CHRM4: variants seen among roughly 807,000 people sequenced by gnomAD.
The protein encoded by CHRM4 is muscarinic acetylcholine receptor M4.
CHRM4 carries 5 observed loss-of-function variants against 26.3 expected under a neutral mutation model. That is an observed-to-expected ratio of 0.19 (90% CI 0.10 to 0.40). The LOEUF is 0.40. Ranked by LOEUF, CHRM4 falls within the 10% of genes least tolerant of loss-of-function variation. CHRM4 has a pLI of 1.00. For missense variants in CHRM4, 402 were observed against 664.5 expected (o/e 0.60, Z 4.34); for synonymous variants, 290 against 285.3 (o/e 1.02, Z -0.16).
At chr11:46,389,020 T>G (rs1297013636) in intron 1 of CHRM4, among the ~76,000 whole-genome samples, 1 of 152,250 alleles carries the variant, frequency 6.6e-6, no homozygotes, top group Non-Finnish European at 1.5e-5. Flanking sequence ...ATTAGTGTCC[T>G]CATCTTACAG....
Position 46,386,651 on chromosome 11 carries a change from C to T in CHRM4, c.-29-65G>A, listed in dbSNP as rs1945344403. Reference sequence around the variant, plus strand: ...GGAATGGGGGAGTCATCTGGAGGTACACTGGATTCAAGGTGACAGAGGGAC... The same window carrying T: ...GGAATGGGGGAGTCATCTGGAGGTATACTGGATTCAAGGTGACAGAGGGAC... On this transcript the variant is annotated intron_variant, in intron 1 of 1. Transcript: ENST00000682254. This position sits in a 1 kb window ranked among gnomAD's most constrained non-coding sequence, Gnocchi z 5.8. 3 of 1,465,304 alleles carry T rather than the reference C, an allele frequency of 2.0e-6. No homozygotes were observed. Among genetic ancestry groups the T allele is most frequent in the Non-Finnish European group, 2.8e-6 (3 of 1,072,634 alleles). The allele number at this position is 1,465,304 out of a possible 1,614,324, so 90.8% of individuals were successfully genotyped here.
At chr11:46,388,047 T>A (rs1945359108) in intron 1 of CHRM4, among the ~76,000 whole-genome samples, 1 of 152,000 alleles carries the variant, frequency 6.6e-6, no homozygotes, top group Non-Finnish European at 1.5e-5. Flanking sequence ...CTCCTCCCCC[T>A]CTTCCTCTTC....
At position 46,386,107 on chromosome 11, in the gene CHRM4, G is replaced by C. The variant is rs377675362; in HGVS notation, c.451C>G (p.Leu151Val). 21 of 1,613,520 alleles carry C rather than the reference G, an allele frequency of 1.3e-5. No homozygotes were observed. The highest frequency in any genetic ancestry group is 1.7e-5 in the Non-Finnish European group (20 of 1,179,792). Residue 151 changes from leucine to valine, a missense_variant, in exon 2 of 2, where the codon CTC becomes GTC. Physicochemically the swap from Leu to Val is conservative, Grantham distance 32. This residue lies in a region of CHRM4 where 48 missense variants were observed against 129.1 expected (regional missense o/e 0.37). Coordinates refer to ENST00000682254, the MANE Select transcript of CHRM4 (RefSeq NM_000741.5). This position sits in a 1 kb window ranked among gnomAD's most constrained non-coding sequence, Gnocchi z 5.8. ...AGTACCCAGGCAGCAGCAATCATGA[G>C]GCCTGCCATCTTGGTGGTGCGCCGG... The part of the protein sequence containing the change: ...PARRTTKMAG[L>V]MIAAAWVLSF...
chr11:46,386,498 C>A lies in CHRM4; in HGVS notation c.60G>T (p.Thr20=). 1 of 1,613,534 alleles carries A rather than the reference C, an allele frequency of 6.2e-7. No individual in the cohort carries two copies. ...TCTCATAGCGATTGTGGGATGATGACGTGACCAGGCGCACGGACTGATTGC... is the reference window on the plus strand; with the variant it reads ...TCTCATAGCGATTGTGGGATGATGAAGTGACCAGGCGCACGGACTGATTGC... ...SSGNQSVRLV[T]SSSHNRYETV... is the part of the protein sequence containing the mutation. Residue 20 remains threonine, a synonymous_variant, in exon 2 of 2, where the codon ACG becomes ACT. Transcript: ENST00000682254. This position sits in a 1 kb window ranked among gnomAD's most constrained non-coding sequence, Gnocchi z 5.8.
In CHRM4 at chr11:46,391,068, G is replaced by A. The variant is rs1414032907; in HGVS notation, c.-30+463C>T. Among the ~76,000 whole-genome samples the A allele has an allele frequency of 6.7e-6, 1 of 150,222 alleles. No individual in the cohort carries two copies. Among genetic ancestry groups the A allele is most frequent in the Non-Finnish European group, 1.5e-5 (1 of 67,310 alleles). Reference sequence around the variant, plus strand: ...AGGACCCCGGCTTGGAGGCTGGGCAGCAAAGGGGGGTAGTACCGGAGCGGG... The same window carrying A: ...AGGACCCCGGCTTGGAGGCTGGGCAACAAAGGGGGGTAGTACCGGAGCGGG... On this transcript the variant is annotated intron_variant, in intron 1 of 1. Transcript: ENST00000682254. The surrounding 1 kb of genome is among the most constrained non-coding windows in gnomAD (Gnocchi z 6.3).
In CHRM4 at chr11:46,386,590, G is replaced by A; in HGVS notation, c.-29-4C>T. 6.3e-7 allele frequency: 1 copy of A among 1,595,858 alleles called. No individual in the cohort carries two copies. The highest frequency in any genetic ancestry group is 8.6e-7 in the Non-Finnish European group (1 of 1,168,168). On this transcript the variant is annotated splice_region_variant and splice_polypyrimidine_tract_variant and intron_variant, in intron 1 of 1. Coordinates refer to ENST00000682254, the MANE Select transcript of CHRM4 (RefSeq NM_000741.5). This position sits in a 1 kb window ranked among gnomAD's most constrained non-coding sequence, Gnocchi z 5.8. The stretch of plus-strand genomic sequence containing the variant: ...GCCAGGGGTGGGTAGGCCGTGTCTG[G>A]GGAGGAAGGGGAGAGAAAAGCATGA...
chr11:46,389,539 C>T (rs993748519), intron 1 of CHRM4, among the ~76,000 whole-genome samples: 4 of 152,220 alleles, frequency 2.6e-5, no homozygotes, highest in Admixed American at 1.3e-4. Context: ...GGGGAGCGAG[C>T]CGCCGCCGCC....
chr11:46,386,727 GC>G lies in CHRM4; in HGVS notation c.-29-142del. 1.2e-6 allele frequency: 1 copy of G among 810,782 alleles called. No homozygotes were observed. Among genetic ancestry groups the G allele is most frequent in the Non-Finnish European group, 1.9e-6 (1 of 525,468 alleles). The allele number at this position is 810,782 out of a possible 1,614,324, so 50.2% of individuals were successfully genotyped here. On this transcript the variant is annotated intron_variant, in intron 1 of 1. Transcript: ENST00000682254. The surrounding 1 kb of genome is among the most constrained non-coding windows in gnomAD (Gnocchi z 5.8). The stretch of plus-strand genomic sequence containing the variant: ...AACTCTGTCCCGCCATCCCGCATTT[GC>G]CCATTCATTCAACATTAATTGAGCA...
intron 1 of CHRM4, among the ~76,000 whole-genome samples, chr11:46,389,121 G>A (rs933006729): frequency 1.4e-4 from 22 of 152,176 alleles, no homozygotes; most frequent in Non-Finnish European, 2.8e-4. Context: ...AGAAGAACCC[G>A]GGAAGCTCCT....
At chr11:46,390,447 C>T (rs1945381252) in intron 1 of CHRM4, among the ~76,000 whole-genome samples, 2 of 152,262 alleles carry the variant, frequency 1.3e-5, no homozygotes, top group South Asian at 4.1e-4. Context: ...GCGTTATTGC[C>T]AAAAGCCGCC....
intron 1 of CHRM4, among the ~76,000 whole-genome samples, chr11:46,388,285 T>G (rs1177179773): frequency 6.6e-6 from 1 of 152,266 alleles, no homozygotes; most frequent in Non-Finnish European, 1.5e-5. Flanking sequence ...ACCCGCAGCC[T>G]GGGCTCTGGC....
At chr11:46,389,592 C>T (rs1410350263) in intron 1 of CHRM4, among the ~76,000 whole-genome samples, 1 of 152,224 alleles carries the variant, frequency 6.6e-6, no homozygotes, top group Non-Finnish European at 1.5e-5. Flanking sequence ...GTCCCTGGTG[C>T]CCGCTCCGGA....
At chr11:46,387,345 AG>A (rs1332313550) in intron 1 of CHRM4, among the ~76,000 whole-genome samples, 4 of 152,216 alleles carry the variant, frequency 2.6e-5, no homozygotes, top group African/African-American at 9.7e-5. Flanking sequence ...TATGTTGTCC[AG>A]GCTGGTCTAG....
chr11:46,390,803 A>T (rs951974590), intron 1 of CHRM4, among the ~76,000 whole-genome samples: 1 of 152,156 alleles, frequency 6.6e-6, no homozygotes, highest in Non-Finnish European at 1.5e-5. Context: ...AGTCCTCGAC[A>T]CCCCTCTTCC....
chr11:46,385,554 G>A lies in CHRM4; in HGVS notation c.1004C>T (p.Pro335Leu). The A allele has an allele frequency of 6.4e-7, 1 of 1,570,334 alleles. No individual in the cohort carries two copies. Among genetic ancestry groups the A allele is most frequent in the Non-Finnish European group, 8.7e-7 (1 of 1,152,238 alleles). The change falls in exon 2 of 2, where the codon CCA becomes CTA. Residue 335 changes from proline to leucine, a missense_variant. Coordinates refer to ENST00000682254, the MANE Select transcript of CHRM4 (RefSeq NM_000741.5). This position sits in a 1 kb window ranked among gnomAD's most constrained non-coding sequence, Gnocchi z 6.3. ...CTGGATCTTGGACCATCTGGAGGCT[G>A]GGTTGAGGGCCCGCGGCTGCAGGGG... ...APPLQPRALN[P>L]ASRWSKIQIV... is the part of the protein sequence containing the mutation.
In CHRM4 at chr11:46,383,793, T is replaced by TC. The variant is rs988685658; in HGVS notation, c.*1324dup. The TC allele has an allele frequency of 2.1e-6, 1 of 481,242 alleles. No homozygotes were observed. Among genetic ancestry groups the TC allele is most frequent in the Non-Finnish European group, 3.9e-6 (1 of 258,214 alleles). 29.8% of individuals were successfully genotyped at this position (481,242 alleles called of 1,614,324 possible). On this transcript the variant is annotated 3_prime_UTR_variant, in exon 2 of 2. Coordinates refer to ENST00000682254, the MANE Select transcript of CHRM4 (RefSeq NM_000741.5). ...AAACACATCAAATAAACTGACTTTT[T>TC]CCCCCCAATAAAAGCTCTTCTTTTT...
At chr11:46,388,356 G>C (rs937109878) in intron 1 of CHRM4, among the ~76,000 whole-genome samples, 3 of 152,228 alleles carry the variant, frequency 2.0e-5, no homozygotes, top group Admixed American at 6.5e-5. Flanking sequence ...GCAGAATAGA[G>C]AGGATCCTGT....
In CHRM4 at chr11:46,386,009, G is replaced by A. The variant is rs201622884; in HGVS notation, c.549C>T (p.Asn183=). 2.8e-5 allele frequency: 45 copies of A among 1,613,270 alleles called. No homozygotes were observed. In the Admixed American group the frequency reaches 5.7e-4, roughly 20 times the overall value. The change falls in exon 2 of 2, where the codon AAC becomes AAT. Residue 183 remains asparagine (N), a synonymous_variant. Transcript: ENST00000682254. This position sits in a 1 kb window ranked among gnomAD's most constrained non-coding sequence, Gnocchi z 5.8. ...TGGACAGGAACTGGATGAAGCACTGGTTGTCGGGCACCGTCCGCTTACCCA... is the reference window on the plus strand; with the variant it reads ...TGGACAGGAACTGGATGAAGCACTGATTGTCGGGCACCGTCCGCTTACCCA... The part of the protein sequence containing the change: ...FVVGKRTVPD[N]QCFIQFLSNP...
chr11:46,384,650 G>T lies in CHRM4; in HGVS notation c.*468C>A, dbSNP rs1425499368. ...GAGTGGGATTTGGGGAGAGGGGGCT[G>T]AGCCTACATGCGGGGTGCAAGGGGG... On this transcript the variant is annotated 3_prime_UTR_variant, in exon 2 of 2. Transcript: ENST00000682254. Among the ~76,000 whole-genome samples, 2 of 152,192 alleles carry T rather than the reference G, an allele frequency of 1.3e-5. No individual in the cohort carries two copies. The highest frequency in any genetic ancestry group is 1.5e-5 in the Non-Finnish European group (1 of 68,030).
Sources: gnomAD v4.1 joint callset for allele counts (sites outside exome capture counted in the v4.1 genomes callset) on GRCh38, gnomAD v4.1.1 for gene constraint, gnomAD v4.1.1 regional missense constraint, Gnocchi (gnomAD v3.1) non-coding constraint, MANE v1.5 for transcripts, NCBI Gene and HGNC (gene_info 2026-07-23, HGNC 2026-07-21) for gene names.